The following GORASP1 variants were observed in gnomAD, a reference collection of about 807,000 sequenced individuals.
GORASP1 encodes golgi reassembly stacking protein 1, also known as Golgi reassembly-stacking protein 1.
A neutral mutation model predicts 37.7 loss-of-function variants in GORASP1; 31 were observed. The ratio of observed to expected loss-of-function variants is 0.82; its 90% CI spans 0.62 to 1.11. The LOEUF (loss-of-function observed/expected upper bound fraction) is 1.11. Among genes scored for constraint, GORASP1 ranks in the 50% least tolerant of loss-of-function variants. GORASP1 has a pLI of 0.00. For synonymous variants in GORASP1, 204 were observed against 224.8 expected (o/e 0.91, Z 0.83); for missense variants, 476 against 560.7 (o/e 0.85, Z 1.53).
In GORASP1 at chr3:39,098,875, C is replaced by G; in HGVS notation, c.935G>C (p.Gly312Ala). The change falls in exon 8 of 9, where the codon GGA becomes GCA. Residue 312 changes from glycine to alanine, a missense_variant. Transcript: ENST00000319283. The surrounding 1 kb of genome is among the most constrained non-coding windows in gnomAD (Gnocchi z 4.7). The part of the protein sequence containing the change: ...VMDPGFLDVS[G>A]ISLLDNSNAS... ...ATTGCTGTTGTCCAAGAGAGAAATT[C>G]CCGACACGTCCAGGAAGCCTAGGGG... is the stretch of plus-strand genomic sequence containing the variant. 1 of 1,614,044 alleles carries G rather than the reference C, an allele frequency of 6.2e-7. No homozygotes were observed. The highest frequency in any genetic ancestry group is 8.5e-7 in the Non-Finnish European group (1 of 1,179,994).
At position 39,100,851 on chromosome 3, in the gene GORASP1, C is replaced by T. The variant is rs752027459; in HGVS notation, c.462G>A (p.Glu154=). The T allele has an allele frequency of 1.2e-6, 2 of 1,614,186 alleles. No homozygotes were observed. The highest frequency in any genetic ancestry group is 2.2e-5 in the South Asian group (2 of 91,090). ...QESEDFFTLI[E]SHEGKPLKLM... ...GCTTCAAGGGCTTCCCCTCATGAGA[C>T]TCGATGAGCGTAAAGAAGTCCTCGG... is the stretch of plus-strand genomic sequence containing the variant. Residue 154 remains glutamate, a synonymous_variant, in exon 5 of 9, where the codon GAG becomes GAA. Transcript: ENST00000319283. The surrounding 1 kb of genome is among the most constrained non-coding windows in gnomAD (Gnocchi z 4.6).
At position 39,097,544 on chromosome 3, in the gene GORASP1, T is replaced by A. The variant is rs184822882; in HGVS notation, c.*692A>T. On this transcript the variant is annotated 3_prime_UTR_variant, in exon 9 of 9. Coordinates refer to ENST00000319283, the MANE Select transcript of GORASP1 (RefSeq NM_031899.4). ...TTAAATTTGTGACTTTTATTCACTATTGGGGCTGGGTAGATGCCTTGTATA... is the reference window on the plus strand; with the variant it reads ...TTAAATTTGTGACTTTTATTCACTAATGGGGCTGGGTAGATGCCTTGTATA... 13 of 152,454 alleles carry A rather than the reference T, an allele frequency of 8.5e-5. No individual in the cohort carries two copies. The highest frequency in any genetic ancestry group is 7.8e-4 in the Admixed American group (12 of 15,302). 9.4% of individuals were successfully genotyped at this position (152,454 alleles called of 1,614,324 possible).
At position 39,098,162 on chromosome 3, in the gene GORASP1, A is replaced by G. The variant is rs940929708; in HGVS notation, c.*74T>C. 5.2e-6 allele frequency: 8 copies of G among 1,529,160 alleles called. No individual in the cohort carries two copies. The highest frequency in any genetic ancestry group is 1.8e-5 in the Admixed American group (1 of 55,804). The allele number at this position is 1,529,160 out of a possible 1,614,324, so 94.7% of individuals were successfully genotyped here. A position where few individuals can be genotyped will look rare whatever the true frequency, so the allele number is the denominator to read the frequency against. ...AAGCAGCAAGGAATCCTGACCGCAT[A>G]GTGCAGCCCGGGCTGCCTGCCCACA... On this transcript the variant is annotated 3_prime_UTR_variant, in exon 9 of 9. Transcript: ENST00000319283. The surrounding 1 kb of genome is among the most constrained non-coding windows in gnomAD (Gnocchi z 4.7).
In GORASP1 at chr3:39,103,533, G is replaced by C; in HGVS notation, c.84C>G (p.Ala28=). The C allele has an allele frequency of 6.2e-7, 1 of 1,613,406 alleles. No individual in the cohort carries two copies. Among genetic ancestry groups the C allele is most frequent in the Non-Finnish European group, 8.5e-7 (1 of 1,179,842 alleles). The part of the protein sequence containing the change: ...HLHGVQENSP[A]QQAGLEPYFD... Reference sequence around the variant, plus strand: ...AGTAGGGCTCCAGGCCCGCCTGCTGGGCTGGGGAGTTCTCCTGCACCTATC... The same window carrying C: ...AGTAGGGCTCCAGGCCCGCCTGCTGCGCTGGGGAGTTCTCCTGCACCTATC... Residue 28 remains alanine (A), a synonymous_variant, in exon 2 of 9, where the codon GCC becomes GCG. Transcript: ENST00000319283. The surrounding 1 kb of genome is among the most constrained non-coding windows in gnomAD (Gnocchi z 5.2).
In GORASP1 at chr3:39,107,068, T is replaced by A. The variant is rs1216738567; in HGVS notation, c.63+411A>T. Reference sequence around the variant, plus strand: ...TTAACCCCGGCCCCCGGGACTGTCCTCGGCGTGGCTGACTCTCTTCCCAGG... The same window carrying A: ...TTAACCCCGGCCCCCGGGACTGTCCACGGCGTGGCTGACTCTCTTCCCAGG... On this transcript the variant is annotated intron_variant, in intron 1 of 8. Coordinates refer to ENST00000319283, the MANE Select transcript of GORASP1 (RefSeq NM_031899.4). 3 of 464,898 alleles carry A rather than the reference T, an allele frequency of 6.5e-6. No individual in the cohort carries two copies. The Admixed American group carries it at 7.0e-5, about 11-fold the overall frequency. The allele number at this position is 464,898 out of a possible 1,614,324, so 28.8% of individuals were successfully genotyped here.
In GORASP1 at chr3:39,103,402, C is replaced by T. The variant is rs2035843469; in HGVS notation, c.144+71G>A. 3 of 1,281,820 alleles carry T rather than the reference C, an allele frequency of 2.3e-6. No individual in the cohort carries two copies. The highest frequency in any genetic ancestry group is 1.5e-5 in the African/African-American group (1 of 67,364). 79.4% of individuals were successfully genotyped at this position (1,281,820 alleles called of 1,614,324 possible). On this transcript the variant is annotated intron_variant, in intron 2 of 8. Coordinates refer to ENST00000319283, the MANE Select transcript of GORASP1 (RefSeq NM_031899.4). This position sits in a 1 kb window ranked among gnomAD's most constrained non-coding sequence, Gnocchi z 5.2. ...AAGGGAGGGAAGGGTAGACTGGGGC[C>T]CCCTGTGGGACAGATGAAGACACAC...
In GORASP1 at chr3:39,103,543, T is replaced by G; in HGVS notation, c.74A>C (p.Asn25Thr). 6.2e-7 allele frequency: 1 copy of G among 1,612,294 alleles called. No individual in the cohort carries two copies. The change falls in exon 2 of 9, where the codon AAC becomes ACC. Residue 25 changes from asparagine to threonine, a missense_variant. Transcript: ENST00000319283. This position sits in a 1 kb window ranked among gnomAD's most constrained non-coding sequence, Gnocchi z 5.2. ...CAGGCCCGCCTGCTGGGCTGGGGAG[T>G]TCTCCTGCACCTATCCCACAGCAAA... ...EGFHLHGVQE[N>T]SPAQQAGLEP...
Position 39,099,414 on chromosome 3 carries a change from A to G in GORASP1, c.855T>C (p.Leu285=). 2 of 1,613,146 alleles carry G rather than the reference A, an allele frequency of 1.2e-6. No individual in the cohort carries two copies. The highest frequency in any genetic ancestry group is 1.7e-6 in the Non-Finnish European group (2 of 1,179,638). ...PSHSAPDPDG[L]PHFMETPLQP... ...GAAGAGGAGTCTCCATGAAATGGGG[A>G]AGTCCATCAGGGTCTGGAGCACTGT... Residue 285 remains leucine (L), a synonymous_variant, in exon 7 of 9, where the codon CTT becomes CTC. Coordinates refer to ENST00000319283, the MANE Select transcript of GORASP1 (RefSeq NM_031899.4).
intron 3 of GORASP1, 169 bp from the exon 4 acceptor site, chr3:39,101,271 TC>T (rs1464680900): frequency 1.1e-5 from 7 of 653,868 alleles, no homozygotes; most frequent in Non-Finnish European, 1.4e-5. Context: ...TTCCCCTATC[TC>T]CCCCAGGTCT....
chr3:39,099,206 A>T, intron 7 of GORASP1, 147 bp downstream of exon 7: 1 of 965,322 alleles, frequency 1.0e-6, no homozygotes, highest in Non-Finnish European at 1.6e-6. Context: ...CCCCATCTGT[A>T]TACTAGATTG....
intron 1 of GORASP1, among the ~76,000 whole-genome samples, chr3:39,104,784 G>C (rs1205539975): frequency 1.3e-5 from 2 of 152,348 alleles, no homozygotes; most frequent in South Asian, 2.1e-4. Flanking sequence ...AAGGGAGTGA[G>C]TGCGGCCCAG....
rs778645773 is a variant in GORASP1 at position 39,103,460 on chromosome 3, T to C, written c.144+13A>G. On this transcript the variant is annotated intron_variant, in intron 2 of 8. Coordinates refer to ENST00000319283, the MANE Select transcript of GORASP1 (RefSeq NM_031899.4). This position sits in a 1 kb window ranked among gnomAD's most constrained non-coding sequence, Gnocchi z 5.2. ...CATAAGCAAGCAAAGCAGAGGCAGG[T>C]TGGGGAACTCACCAGCCTCGAGTGC... The C allele has an allele frequency of 6.9e-6, 11 of 1,605,720 alleles. No homozygotes were observed. The highest frequency in any genetic ancestry group is 4.4e-5 in the South Asian group (4 of 90,098).
rs756050654 is a variant in GORASP1 at position 39,099,408 on chromosome 3, ATGGGGAAGTCCATCAGGGTC to A, written c.841_860del (p.Asp281PhefsTer67). The A allele has an allele frequency of 1.2e-6, 2 of 1,613,270 alleles. No homozygotes were observed. The highest frequency in any genetic ancestry group is 4.5e-5 in the East Asian group (2 of 44,860). On this transcript the variant is annotated frameshift_variant, in exon 7 of 9. Coordinates refer to ENST00000319283, the MANE Select transcript of GORASP1 (RefSeq NM_031899.4). LOFTEE classifies it high-confidence loss of function. ...GGGGCTGAAGAGGAGTCTCCATGAAATGGGGAAGTCCATCAGGGTCTGGAGCACTGTGGCTGGGACTCCCA... is the reference window on the plus strand; with the variant it reads ...GGGGCTGAAGAGGAGTCTCCATGAAATGGAGCACTGTGGCTGGGACTCCCA...
At position 39,102,845 on chromosome 3, in the gene GORASP1, CT is replaced by C. The variant is rs757146926; in HGVS notation, c.180del (p.Ala61ProfsTer7). ...KENDTLKALL[K>X]ANVEKPVKLE... ...AGCTTCACGGGCTTCTCCACATTGG[CT>C]TTCAGTAGTGCCTTCAGGGTGTCAT... On this transcript the variant is annotated frameshift_variant, in exon 3 of 9. Coordinates refer to ENST00000319283, the MANE Select transcript of GORASP1 (RefSeq NM_031899.4). LOFTEE classifies it high-confidence loss of function. This position sits in a 1 kb window ranked among gnomAD's most constrained non-coding sequence, Gnocchi z 5.0. The C allele has an allele frequency of 4.3e-6, 7 of 1,614,246 alleles. No homozygotes were observed. In the East Asian group the frequency reaches 1.6e-4, roughly 36 times the overall value.
rs568074338 is a variant in GORASP1 at position 39,097,933 on chromosome 3, C to T, written c.*303G>A. ...CTGAGCTGTGCAGGAAGAATCAAAG[C>T]GACCAGGCCAACACTGGACAGCAAC... On this transcript the variant is annotated 3_prime_UTR_variant, in exon 9 of 9. Transcript: ENST00000319283. 1.4e-4 allele frequency: 56 copies of T among 389,066 alleles called. No homozygotes were observed. The highest frequency in any genetic ancestry group is 1.1e-3 in the African/African-American group (54 of 48,824). The allele number at this position is 389,066 out of a possible 1,614,324, so 24.1% of individuals were successfully genotyped here.
Position 39,107,615 on chromosome 3 carries a change from G to T in GORASP1, c.-74C>A. The T allele has an allele frequency of 1.4e-6, 2 of 1,389,056 alleles. No individual in the cohort carries two copies. Among genetic ancestry groups the T allele is most frequent in the Non-Finnish European group, 1.9e-6 (2 of 1,034,010 alleles). 86.0% of individuals were successfully genotyped at this position (1,389,056 alleles called of 1,614,324 possible). A position where few individuals can be genotyped will look rare whatever the true frequency, so the allele number is the denominator to read the frequency against. ...GGACCGACCCGACGCCAGTAGCACC[G>T]ACTCGCTCTCTCGGCGCTCGATTCC... On this transcript the variant is annotated 5_prime_UTR_variant, in exon 1 of 9. Coordinates refer to ENST00000319283, the MANE Select transcript of GORASP1 (RefSeq NM_031899.4).
In GORASP1 at chr3:39,096,799, T is replaced by C. The variant is rs1575446315; in HGVS notation, c.*1437A>G. The C allele has an allele frequency of 6.6e-6, 1 of 152,102 alleles. No homozygotes were observed. The highest frequency in any genetic ancestry group is 1.5e-5 in the Non-Finnish European group (1 of 68,016). 9.4% of individuals were successfully genotyped at this position (152,102 alleles called of 1,614,324 possible). A position where few individuals can be genotyped will look rare whatever the true frequency, so the allele number is the denominator to read the frequency against. On this transcript the variant is annotated 3_prime_UTR_variant, in exon 9 of 9. Transcript: ENST00000319283. ...GATACCCATTTTATCCTCCAACTTA[T>C]GGGGGAAGGGAAAGTAAAAGTGAGG...
rs577397350 is a variant in GORASP1 at position 39,100,142 on chromosome 3, G to A, written c.765+163C>T. On this transcript the variant is annotated intron_variant, in intron 6 of 8. Transcript: ENST00000319283. The surrounding 1 kb of genome is among the most constrained non-coding windows in gnomAD (Gnocchi z 4.6). ...GACCCAAGGGGCAGGAAAGCCAAAAGTGAGTTTCACTGCTCCAGGCATGGC... is the reference window on the plus strand; with the variant it reads ...GACCCAAGGGGCAGGAAAGCCAAAAATGAGTTTCACTGCTCCAGGCATGGC... Among the ~76,000 whole-genome samples, 3 of 152,372 alleles carry A rather than the reference G, an allele frequency of 2.0e-5. No homozygotes were observed. Among genetic ancestry groups the A allele is most frequent in the Non-Finnish European group, 4.4e-5 (3 of 68,042 alleles).
rs1559644612 is a variant in GORASP1, at chr3:39,101,057, A to G, written c.394T>C (p.Tyr132His). The G allele has an allele frequency of 6.2e-7, 1 of 1,614,162 alleles. No homozygotes were observed. Among genetic ancestry groups the G allele is most frequent in the Admixed American group, 1.7e-5 (1 of 60,022 alleles). ...SPAALAGLRP[Y>H]TDYVVGSDQI... ...TCCGAACCAACCACATAGTCTGTGT[A>G]GGGGCGCAGGCCGGCAAGGGCAGCA... is the stretch of plus-strand genomic sequence containing the variant. The change falls in exon 4 of 9, where the codon TAC becomes CAC. Residue 132 changes from tyrosine to histidine, a missense_variant. Tyr to His is a moderately conservative substitution (Grantham distance 83). Coordinates refer to ENST00000319283, the MANE Select transcript of GORASP1 (RefSeq NM_031899.4).
Sources: gnomAD v4.1 joint callset for allele counts (sites outside exome capture counted in the v4.1 genomes callset) on GRCh38, gnomAD v4.1.1 for gene constraint, Gnocchi (gnomAD v3.1) non-coding constraint, MANE v1.5 for transcripts, NCBI Gene and HGNC (gene_info 2026-07-23, HGNC 2026-07-21) for gene names.